Variants in ODF2 observed in about 807,000 individuals in gnomAD.
The protein encoded by ODF2 is outer dense fiber protein 2.
A neutral mutation model predicts 110.2 loss-of-function variants in ODF2; 47 were observed. The observed-to-expected ratio is 0.43, with a 90% confidence interval of 0.34 to 0.54. ODF2 has a LOEUF of 0.54. Among genes scored for constraint, ODF2 ranks in the 20% least tolerant of loss-of-function variants. The pLI, the probability that ODF2 is intolerant of heterozygous loss-of-function variation, is 0.03. For missense variants in ODF2, 812 were observed against 1,054.5 expected, an observed-to-expected ratio of 0.77 and a Z score of 3.19; for synonymous variants, 352 against 397.7, an observed-to-expected ratio of 0.89 and a Z score of 1.37.
At chr9:128,481,069 A>G (rs370543149) in intron 8 of ODF2, among the ~76,000 whole-genome samples, 4 of 152,146 alleles carry the variant, frequency 2.6e-5, no homozygotes, top group East Asian at 3.9e-4. Flanking sequence ...TCCTCAAACT[A>G]ATAGCAGTAG....
chr9:128,461,194 C>T, intron 4 of ODF2, 127 bp downstream of exon 4: 1 of 1,173,460 alleles, frequency 8.5e-7, no homozygotes, highest in East Asian at 2.6e-5. Flanking sequence ...TACTGAGGGC[C>T]TTGCTAAACC....
At chr9:128,474,223 G>A (rs754354785) in intron 8 of ODF2, among the ~76,000 whole-genome samples, 1 of 152,086 alleles carries the variant, frequency 6.6e-6, no homozygotes, top group South Asian at 2.1e-4. Context: ...GGCTGAGCGC[G>A]GTGGATCATG....
intron 11 of ODF2, 131 bp downstream of exon 11, chr9:128,484,185 C>A: frequency 1.5e-6 from 1 of 680,476 alleles, no homozygotes; most frequent in Non-Finnish European, 2.6e-6. Flanking sequence ...TGACAAAATA[C>A]TCAGGCCTCA....
intron 14 of ODF2, among the ~76,000 whole-genome samples, chr9:128,491,854 T>TA (rs1844634298): frequency 6.6e-6 from 1 of 151,818 alleles, no homozygotes; most frequent in Admixed American, 6.6e-5. Flanking sequence ...GTCTTGGTTT[T>TA]ATCCCCATTT....
At chr9:128,483,427 TA>T (rs1564505114) in intron 10 of ODF2, among the ~76,000 whole-genome samples, 1 of 151,016 alleles carries the variant, frequency 6.6e-6, no homozygotes, top group African/African-American at 2.4e-5. Flanking sequence ...AAATTAAAAT[TA>T]AAAAATCAGC....
At chr9:128,489,040 T>G (rs1267130976) in intron 14 of ODF2, among the ~76,000 whole-genome samples, 2 of 152,012 alleles carry the variant, frequency 1.3e-5, no homozygotes, top group African/African-American at 4.8e-5. Flanking sequence ...ATAAGGAAAC[T>G]GAGGCTGAGA....
At chr9:128,476,062 T>C (rs1841194428) in intron 8 of ODF2, among the ~76,000 whole-genome samples, 1 of 143,430 alleles carries the variant, frequency 7.0e-6, no homozygotes, top group Non-Finnish European at 1.5e-5. Flanking sequence ...GATTTCCTTT[T>C]TGAAGGCTCA....
intron 4 of ODF2, among the ~76,000 whole-genome samples, chr9:128,461,564 G>A (rs548360402): frequency 2.0e-5 from 3 of 152,134 alleles, no homozygotes; most frequent in Non-Finnish European, 2.9e-5. Context: ...GACTACAGGC[G>A]CCCGCCACCA....
Position 128,494,722 on chromosome 9 carries a change from A to C in ODF2, c.1911+54A>C. 6.2e-7 allele frequency: 1 copy of C among 1,614,040 alleles called. No homozygotes were observed. The highest frequency in any genetic ancestry group is 2.2e-5 in the East Asian group (1 of 44,882). ...AACTGACCCGAGCAGGGGCCCGCAT[A>C]CCAAGATGAGCTGCACGCCCCCCAA... On this transcript the variant is annotated intron_variant, in intron 17 of 20. Transcript: ENST00000604420. The surrounding 1 kb of genome is among the most constrained non-coding windows in gnomAD (Gnocchi z 4.6).
At chr9:128,457,937 A>G (rs1017104992) in intron 2 of ODF2, among the ~76,000 whole-genome samples, 11 of 70,376 alleles carry the variant, frequency 1.6e-4, no homozygotes, top group African/African-American at 5.0e-4. Flanking sequence ...CTATATATAT[A>G]TATATATTTT....
intron 4 of ODF2, among the ~76,000 whole-genome samples, chr9:128,467,349 T>C (rs548509213): frequency 2.0e-5 from 3 of 152,032 alleles, no homozygotes; most frequent in Non-Finnish European, 4.4e-5. Flanking sequence ...CTGTCATATA[T>C]GCAGTCCATT....
intron 14 of ODF2, among the ~76,000 whole-genome samples, chr9:128,491,465 C>T (rs1328750097): frequency 6.6e-6 from 1 of 151,934 alleles, no homozygotes; most frequent in East Asian, 2.0e-4. Context: ...TGAGATCAGC[C>T]TGGCCAACAT....
Position 128,465,284 on chromosome 9 carries a change from C to T in ODF2, c.250-3899C>T, listed in dbSNP as rs536412490. Among the ~76,000 whole-genome samples the T allele has an allele frequency of 9.9e-5, 15 of 152,134 alleles. No homozygotes were observed. In the South Asian group the frequency reaches 1.2e-3, roughly 13 times the overall value. ...CTAACTCAACCCTGTCCTTCATGGA[C>T]GGAAGGGGAACAGCCCCTGGAGGTG... On this transcript the variant is annotated intron_variant, in intron 4 of 20. Transcript: ENST00000604420.
intron 8 of ODF2, among the ~76,000 whole-genome samples, chr9:128,475,339 C>A (rs566286871): frequency 7.8e-4 from 118 of 152,136 alleles, no homozygotes; most frequent in African/African-American, 2.0e-3. Flanking sequence ...GACTGTAGTT[C>A]TTTTCTTATT....
intron 8 of ODF2, among the ~76,000 whole-genome samples, chr9:128,477,749 GT>G (rs1475785455): frequency 2.0e-5 from 3 of 151,662 alleles, no homozygotes. Context: ...GGGATTACAG[GT>G]GCCACTCCCG....
At chr9:128,493,458 C>G (rs1845022725) in intron 16 of ODF2, among the ~76,000 whole-genome samples, 1 of 152,178 alleles carries the variant, frequency 6.6e-6, no homozygotes, top group Admixed American at 6.5e-5. Flanking sequence ...TACAGTTATG[C>G]CAGGTCTTTG....
At chr9:128,500,158 A>G (rs1211955800) in exon 21 of ODF2, 1 of 1,614,252 alleles carries the variant, frequency 6.2e-7, no homozygotes, top group Admixed American at 1.7e-5. Flanking sequence ...AACTACGTCC[A>G]GTTCCTCAAA....
chr9:128,494,469 G>A lies in ODF2; in HGVS notation c.1753-41G>A, dbSNP rs377730387. ...ACTAGGAGCCAGGTCTTTCCTAACT[G>A]TGGGTCTTTCCTTCCTGTGGGTCTT... On this transcript the variant is annotated intron_variant, in intron 16 of 20. Coordinates refer to ENST00000604420, the Ensembl canonical transcript of ODF2. The surrounding 1 kb of genome is among the most constrained non-coding windows in gnomAD (Gnocchi z 4.6). 1.7e-5 allele frequency: 27 copies of A among 1,588,250 alleles called. No individual in the cohort carries two copies. In the African/African-American group the frequency reaches 3.1e-4, roughly 18 times the overall value.
At position 128,492,816 on chromosome 9, in the gene ODF2, C is replaced by T; in HGVS notation, c.1752+11C>T. ...AAAGAGATTGAGGCGGTACTGCTTT[C>T]CTTCCTTGTTTTCTTCTCCTACCCA... On this transcript the variant is annotated intron_variant, in intron 16 of 20. Coordinates refer to ENST00000604420, the Ensembl canonical transcript of ODF2. 6.2e-7 allele frequency: 1 copy of T among 1,606,464 alleles called. No individual in the cohort carries two copies. Among genetic ancestry groups the T allele is most frequent in the Non-Finnish European group, 8.5e-7 (1 of 1,173,288 alleles).
Sources: allele counts gnomAD v4.1 joint callset (sites outside exome capture counted in the v4.1 genomes callset), GRCh38; gene constraint gnomAD v4.1.1; non-coding constraint Gnocchi (gnomAD v3.1); transcripts MANE v1.5; gene names NCBI Gene and HGNC (gene_info 2026-07-23, HGNC 2026-07-21).